CPLX2: variants seen among roughly 807,000 people sequenced by gnomAD.
CPLX2 encodes complexin 2.
Under a neutral mutation model 16.3 loss-of-function variants are expected in CPLX2, and 5 were observed. The observed-to-expected ratio is 0.31, with a 90% CI of 0.16 to 0.64. The LOEUF (loss-of-function observed/expected upper bound fraction) is 0.64. CPLX2 is among the 30% of genes least tolerant of loss of function. CPLX2 has a pLI of 0.79. For missense variants in CPLX2, 144 were observed against 181.4 expected, an observed-to-expected ratio of 0.79 and a Z score of 1.18; for synonymous variants, 89 against 73.2, an observed-to-expected ratio of 1.22 and a Z score of -1.10.
chr5:175,847,110 T>A (rs1230692187), intron 2 of CPLX2, among the ~76,000 whole-genome samples: 1 of 152,066 alleles, frequency 6.6e-6, no homozygotes, highest in African/African-American at 2.4e-5. Flanking sequence ...TAAAGAGGCG[T>A]GGGGCCAAGG....
chr5:175,799,559 T>TATATATATAC (rs1215364696), intron 1 of CPLX2, among the ~76,000 whole-genome samples: 2 of 141,072 alleles, frequency 1.4e-5, no homozygotes, highest in Non-Finnish European at 3.0e-5. Context: ...TATATATATA[T>TATATATATAC]ATATATATAT....
At chr5:175,869,573 C>T (rs917175825), upstream of CPLX2, among the ~76,000 whole-genome samples, 1 of 152,194 alleles carries the variant, frequency 6.6e-6, no homozygotes, top group Non-Finnish European at 1.5e-5. Flanking sequence ...TCCATTCAAG[C>T]ACTTCCTTAG....
intron 1 of CPLX2, among the ~76,000 whole-genome samples, chr5:175,797,875 A>C (rs1758022116): frequency 6.6e-6 from 1 of 152,218 alleles, no homozygotes; most frequent in Non-Finnish European, 1.5e-5. Context: ...CCAAACAGGG[A>C]AGCCAGTTCC....
At chr5:175,827,230 A>G (rs970185922) in intron 2 of CPLX2, among the ~76,000 whole-genome samples, 1 of 152,182 alleles carries the variant, frequency 6.6e-6, no homozygotes, top group East Asian at 1.9e-4. Flanking sequence ...TGTGCCCTCT[A>G]TGGGAGAACA....
chr5:175,880,168 C>T lies in CPLX2; in HGVS notation c.*123C>T, dbSNP rs188065635. The stretch of plus-strand genomic sequence containing the variant: ...CCTCAGTTGGCCTCTGCCCCTCTTC[C>T]CTGGCCAGGGGCTTCTCCCCCTCAG... On this transcript the variant is annotated 3_prime_UTR_variant, in exon 4 of 4. Coordinates refer to ENST00000393745, the MANE Select transcript of CPLX2 (RefSeq NM_001008220.2). The T allele has an allele frequency of 2.8e-6, 3 of 1,054,574 alleles. No individual in the cohort carries two copies. The highest frequency in any genetic ancestry group is 2.7e-5 in the South Asian group (2 of 73,412). 65.3% of individuals were successfully genotyped at this position (1,054,574 alleles called of 1,614,324 possible).
At chr5:175,841,270 G>A (rs1447648951) in intron 2 of CPLX2, among the ~76,000 whole-genome samples, 5 of 152,098 alleles carry the variant, frequency 3.3e-5, no homozygotes, top group South Asian at 4.1e-4. Flanking sequence ...AACCCAACAC[G>A]GAGACAGACA....
At chr5:175,819,489 G>A (rs1758469396) in intron 2 of CPLX2, among the ~76,000 whole-genome samples, 1 of 152,192 alleles carries the variant, frequency 6.6e-6, no homozygotes, top group African/African-American at 2.4e-5. Flanking sequence ...CCCCAAAGAC[G>A]AGTAGGTTAA....
At chr5:175,821,021 C>T (rs974673439) in intron 2 of CPLX2, among the ~76,000 whole-genome samples, 1 of 152,156 alleles carries the variant, frequency 6.6e-6, no homozygotes, top group African/African-American at 2.4e-5. Context: ...AGCAGTGACA[C>T]TGCAGACCTC....
chr5:175,827,878 C>T (rs988196299), intron 2 of CPLX2, among the ~76,000 whole-genome samples: 7 of 152,200 alleles, frequency 4.6e-5, no homozygotes, highest in Admixed American at 1.3e-4. Context: ...CTGCCTCCTG[C>T]GTGCCCTGGC....
chr5:175,849,509 C>T lies in CPLX2; in HGVS notation c.-88-29143C>T, dbSNP rs78701136. Among the ~76,000 whole-genome samples, 111 of 152,314 alleles carry T rather than the reference C, an allele frequency of 7.3e-4. No individual in the cohort carries two copies. In the East Asian group the frequency reaches 0.02, roughly 27 times the overall value. On this transcript the variant is annotated intron_variant, in intron 2 of 4. Transcript: ENST00000359546. This position sits in a 1 kb window ranked among gnomAD's most constrained non-coding sequence, Gnocchi z 4.4. ...CACAAAGACTTGACCTTGAGGGGCT[C>T]CCAGCATGGCTGGGGAGATAGCACA...
chr5:175,862,941 G>A (rs1340789522), intron 2 of CPLX2, among the ~76,000 whole-genome samples: 2 of 152,154 alleles, frequency 1.3e-5, no homozygotes, highest in African/African-American at 2.4e-5. Flanking sequence ...CTGTGACTAC[G>A]GCGTGTTTTA....
intron 2 of CPLX2, among the ~76,000 whole-genome samples, chr5:175,851,412 G>C (rs937674630): frequency 3.9e-5 from 6 of 152,180 alleles, no homozygotes; most frequent in African/African-American, 1.4e-4. Context: ...AGGAGAAAGG[G>C]CATCCCAGGC....
chr5:175,821,623 G>T (rs895634042), intron 2 of CPLX2, among the ~76,000 whole-genome samples: 1 of 152,110 alleles, frequency 6.6e-6, no homozygotes, highest in African/African-American at 2.4e-5. Context: ...GGCCATGCTA[G>T]TCATGAATTC....
At chr5:175,846,093 C>T (rs2113673643) in intron 2 of CPLX2, among the ~76,000 whole-genome samples, 1 of 152,214 alleles carries the variant, frequency 6.6e-6, no homozygotes, top group South Asian at 2.1e-4. Flanking sequence ...GCTGGCAGGT[C>T]TCCACTTCTG....
intron 2 of CPLX2, among the ~76,000 whole-genome samples, chr5:175,839,346 C>T (rs937594393): frequency 1.3e-5 from 2 of 152,006 alleles, no homozygotes; most frequent in East Asian, 3.8e-4. Flanking sequence ...AGTACAGTGG[C>T]GTGATCTCGG....
intron 2 of CPLX2, among the ~76,000 whole-genome samples, chr5:175,846,185 C>G (rs1473098416): frequency 6.6e-6 from 1 of 152,192 alleles, no homozygotes. Flanking sequence ...AGGCCCAGCA[C>G]TAGCCATTCT....
At chr5:175,813,724 G>C (rs1758355224) in intron 2 of CPLX2, among the ~76,000 whole-genome samples, 1 of 152,238 alleles carries the variant, frequency 6.6e-6, no homozygotes, top group Non-Finnish European at 1.5e-5. Context: ...GAGACAATTT[G>C]AAGAGTTATT....
chr5:175,811,022 G>C (rs1401382933), intron 2 of CPLX2, among the ~76,000 whole-genome samples: 2 of 152,240 alleles, frequency 1.3e-5, no homozygotes, highest in Non-Finnish European at 2.9e-5. Flanking sequence ...TGAGGGCCAA[G>C]TTGAAGTCTA....
chr5:175,807,886 CCT>C (rs1367617415), intron 1 of CPLX2, among the ~76,000 whole-genome samples: 1 of 152,170 alleles, frequency 6.6e-6, no homozygotes, highest in Non-Finnish European at 1.5e-5. Flanking sequence ...TGTGGGAATC[CCT>C]GATTCACTCT....
Sources: gnomAD v4.1 joint callset for allele counts (sites outside exome capture counted in the v4.1 genomes callset) on GRCh38, gnomAD v4.1.1 for gene constraint, Gnocchi (gnomAD v3.1) non-coding constraint, MANE v1.5 for transcripts, NCBI Gene and HGNC (gene_info 2026-07-23, HGNC 2026-07-21) for gene names.